Variants in TAX1BP1 observed in about 807,000 individuals in gnomAD.
TAX1BP1 encodes the protein tax1-binding protein 1.
Under a neutral mutation model 97.7 loss-of-function variants are expected in TAX1BP1, and 62 were observed. The observed-to-expected ratio is 0.63, with a 90% CI of 0.52 to 0.78. The LOEUF (loss-of-function observed/expected upper bound fraction) is 0.78. Ranked by LOEUF, TAX1BP1 falls within the 30% of genes least tolerant of loss-of-function variation. The pLI, the probability that TAX1BP1 is intolerant of heterozygous loss-of-function variation, is 0.00. For synonymous variants in TAX1BP1, 340 were observed against 304.2 expected (o/e 1.12, Z -1.23); for missense variants, 867 against 916.1 (o/e 0.95, Z 0.69).
intron 13 of TAX1BP1, among the ~76,000 whole-genome samples, chr7:27,800,559 G>A (rs1310072239): frequency 1.3e-5 from 2 of 151,734 alleles, no homozygotes; most frequent in Non-Finnish European, 2.9e-5. Flanking sequence ...CCCCCTACCA[G>A]TCTCTAAAAA....
intron 12 of TAX1BP1, 101 bp from the exon 13 acceptor site, chr7:27,799,864 A>G (rs1790066478): frequency 3.6e-6 from 3 of 844,946 alleles, no homozygotes; most frequent in Non-Finnish European, 5.1e-6. Flanking sequence ...CTGTTACAAC[A>G]GTGTTATAAT....
In TAX1BP1 at chr7:27,791,989, T is replaced by A; in HGVS notation, c.1039-17T>A. On this transcript the variant is annotated splice_polypyrimidine_tract_variant and intron_variant, in intron 8 of 16. Transcript: ENST00000396319. Reference sequence around the variant, plus strand: ...TTGAGTGGTTGAATTACAAATATATTTATCTGCTTTCTTCAGGAAGATACT... The same window carrying A: ...TTGAGTGGTTGAATTACAAATATATATATCTGCTTTCTTCAGGAAGATACT... 1 of 1,610,104 alleles carries A rather than the reference T, an allele frequency of 6.2e-7. No homozygotes were observed. Among genetic ancestry groups the A allele is most frequent in the Non-Finnish European group, 8.5e-7 (1 of 1,177,116 alleles).
At chr7:27,781,725 T>C (rs138573447) in intron 5 of TAX1BP1, among the ~76,000 whole-genome samples, 119 of 152,140 alleles carry the variant, frequency 7.8e-4, no homozygotes, top group African/African-American at 2.5e-3. Flanking sequence ...AATTAATTTT[T>C]TTTTTTGAGA....
At chr7:27,783,548 A>G (rs1317210252) in intron 5 of TAX1BP1, among the ~76,000 whole-genome samples, 1 of 152,226 alleles carries the variant, frequency 6.6e-6, no homozygotes, top group African/African-American at 2.4e-5. Context: ...TTTATAATTC[A>G]CTGTAAAGTT....
rs1562724681 is a variant in TAX1BP1, at chr7:27,791,986, T to A, written c.1039-20T>A. ...TACTTGAGTGGTTGAATTACAAATA[T>A]ATTTATCTGCTTTCTTCAGGAAGAT... On this transcript the variant is annotated intron_variant, in intron 8 of 16. Coordinates refer to ENST00000396319, the MANE Select transcript of TAX1BP1 (RefSeq NM_006024.7). 6.2e-7 allele frequency: 1 copy of A among 1,609,234 alleles called. No homozygotes were observed. The highest frequency in any genetic ancestry group is 8.5e-7 in the Non-Finnish European group (1 of 1,176,410).
intron 13 of TAX1BP1, among the ~76,000 whole-genome samples, chr7:27,807,638 A>G (rs1326541109): frequency 2.6e-5 from 4 of 152,202 alleles, no homozygotes; most frequent in African/African-American, 7.2e-5. Flanking sequence ...TTTTACTGAT[A>G]TAAAATTAAT....
At chr7:27,796,080 T>C (rs756123968) in intron 11 of TAX1BP1, 36 bp from the exon 12 acceptor site, 1 of 1,524,452 alleles carries the variant, frequency 6.6e-7, no homozygotes, top group Non-Finnish European at 9.0e-7. Context: ...AGGGGCAAAA[T>C]ACTTTTTAAC....
At chr7:27,765,794 A>G (rs542922156) in intron 3 of TAX1BP1, 40 bp from the exon 4 acceptor site, 6 of 1,525,702 alleles carry the variant, frequency 3.9e-6, no homozygotes, top group African/African-American at 1.4e-5. Flanking sequence ...GAATTTTATA[A>G]TAGGAAGTTT....
chr7:27,807,753 A>C (rs1790394669), intron 13 of TAX1BP1, among the ~76,000 whole-genome samples: 1 of 152,188 alleles, frequency 6.6e-6, no homozygotes, highest in Admixed American at 6.5e-5. Context: ...GTATCTATTA[A>C]TGATCTTCTA....
At position 27,787,604 on chromosome 7, in the gene TAX1BP1, G is replaced by A. The variant is rs767646230; in HGVS notation, c.1038+1G>A. 2 of 1,601,078 alleles carry A rather than the reference G, an allele frequency of 1.2e-6. No homozygotes were observed. Among genetic ancestry groups the A allele is most frequent in the Non-Finnish European group, 1.7e-6 (2 of 1,175,294 alleles). On this transcript the variant is annotated splice_donor_variant, in intron 8 of 16. Coordinates refer to ENST00000396319, the MANE Select transcript of TAX1BP1 (RefSeq NM_006024.7). LOFTEE classifies it high-confidence loss of function. The stretch of plus-strand genomic sequence containing the variant: ...TTTCCTGCTTACAACCTCAAGTAAA[G>A]TAAGTACTTTTGCTATATATATTTG...
At chr7:27,757,981 A>G (rs781597479) in intron 2 of TAX1BP1, 50 bp from the exon 3 acceptor site, 16 of 1,149,466 alleles carry the variant, frequency 1.4e-5, no homozygotes, top group Middle Eastern at 3.9e-4. Context: ...TATGAGCCTA[A>G]TATTAAACTA....
intron 13 of TAX1BP1, among the ~76,000 whole-genome samples, chr7:27,807,496 T>C (rs1225289976): frequency 6.6e-6 from 1 of 152,120 alleles, no homozygotes; most frequent in East Asian, 1.9e-4. Context: ...TTTAATATAA[T>C]ACTAATTTTG....
At chr7:27,817,830 T>A (rs1252645078) in intron 15 of TAX1BP1, among the ~76,000 whole-genome samples, 1 of 152,182 alleles carries the variant, frequency 6.6e-6, no homozygotes, top group African/African-American at 2.4e-5. Flanking sequence ...AGTACAGTGG[T>A]ATCATGACCT....
intron 13 of TAX1BP1, among the ~76,000 whole-genome samples, chr7:27,803,548 T>G (rs1158365271): frequency 6.6e-6 from 1 of 152,214 alleles, no homozygotes; most frequent in Non-Finnish European, 1.5e-5. Context: ...ATTATTTGAT[T>G]TTCTCCCTGC....
At chr7:27,741,441 C>G (rs1048714175) in intron 1 of TAX1BP1, among the ~76,000 whole-genome samples, 2 of 151,632 alleles carry the variant, frequency 1.3e-5, no homozygotes, top group African/African-American at 4.8e-5. Context: ...ATTTATTTTT[C>G]AAACTGATTG....
chr7:27,742,404 G>GT (rs1225883160), intron 1 of TAX1BP1, among the ~76,000 whole-genome samples: 1 of 152,216 alleles, frequency 6.6e-6, no homozygotes, highest in Non-Finnish European at 1.5e-5. Context: ...TCAAGCATCT[G>GT]TTTAACAGAG....
chr7:27,759,434 C>T (rs932591426), intron 3 of TAX1BP1, among the ~76,000 whole-genome samples: 2 of 152,052 alleles, frequency 1.3e-5, no homozygotes, highest in African/African-American at 4.8e-5. Context: ...AATCAAAGTA[C>T]ATGCTAAAAT....
intron 2 of TAX1BP1, among the ~76,000 whole-genome samples, chr7:27,756,260 C>G (rs1788210074): frequency 6.6e-6 from 1 of 152,158 alleles, no homozygotes; most frequent in Non-Finnish European, 1.5e-5. Context: ...AGCCCATTCT[C>G]TGTATCTTTC....
At chr7:27,755,373 A>T (rs1004134611) in intron 2 of TAX1BP1, among the ~76,000 whole-genome samples, 1 of 151,996 alleles carries the variant, frequency 6.6e-6, no homozygotes, top group African/African-American at 2.4e-5. Flanking sequence ...TCATCTCCAA[A>T]CATCAGTCCC....
Sources: allele counts gnomAD v4.1 joint callset (sites outside exome capture counted in the v4.1 genomes callset), GRCh38; gene constraint gnomAD v4.1.1; transcripts MANE v1.5; gene names NCBI Gene and HGNC (gene_info 2026-07-23, HGNC 2026-07-21).